The following PCDH11Y variants were observed in gnomAD, a reference collection of about 807,000 sequenced individuals.
PCDH11Y encodes the protein protocadherin 11 Y-linked.
For synonymous variants in PCDH11Y, 9 were observed against 83.6 expected (o/e 0.11, Z 4.87); for missense variants, 12 against 224.8 (o/e 0.05, Z 6.05).
chrY:5,684,077 A>T, intron 4 of PCDH11Y, among the ~76,000 whole-genome samples: 1 of 33,049 alleles, frequency 3.0e-5, no homozygotes, highest in Non-Finnish European at 7.5e-5. Flanking sequence ...ACAAGGGATT[A>T]ATAACCAGAA....
chrY:5,479,167 G>A (rs2124685590), intron 2 of PCDH11Y, among the ~76,000 whole-genome samples: 5 of 33,331 alleles, frequency 1.5e-4, no homozygotes, highest in African/African-American at 5.9e-4. Context: ...GCAGTGGCTG[G>A]TACTGGTTTT....
chrY:5,349,576 G>GTT, intron 2 of PCDH11Y, among the ~76,000 whole-genome samples: 1 of 33,493 alleles, frequency 3.0e-5, no homozygotes, highest in Non-Finnish European at 7.3e-5. Context: ...TTGCATGAAT[G>GTT]GATGAATAGA....
intron 2 of PCDH11Y, among the ~76,000 whole-genome samples, chrY:5,414,458 G>T: frequency 6.3e-5 from 2 of 31,672 alleles, no homozygotes; most frequent in Non-Finnish European, 1.5e-4. Flanking sequence ...CGAGAGTGTG[G>T]TTTGTGTGAT....
At chrY:5,034,963 A>C in intron 3 of PCDH11Y, among the ~76,000 whole-genome samples, 1 of 30,047 alleles carries the variant, frequency 3.3e-5, no homozygotes, top group Non-Finnish European at 8.1e-5. Flanking sequence ...GTCATGGATT[A>C]TAAATTAAAG....
intron 2 of PCDH11Y, among the ~76,000 whole-genome samples, chrY:5,373,745 T>TAC (rs369088178): frequency 0.067 from 1,583 of 23,629 alleles, no homozygotes; most frequent in Middle Eastern, 0.21. Context: ...TGTGTATATA[T>TAC]ACACACACAC....
At chrY:5,425,299 G>C in intron 2 of PCDH11Y, among the ~76,000 whole-genome samples, 2 of 33,052 alleles carry the variant, frequency 6.1e-5, no homozygotes, top group Non-Finnish European at 1.5e-4. Flanking sequence ...TAACCCAAAT[G>C]ATTTTATGTA....
At chrY:5,633,795 G>A (rs1602954533) in intron 4 of PCDH11Y, among the ~76,000 whole-genome samples, 19 of 33,102 alleles carry the variant, frequency 5.7e-4, no homozygotes, top group African/African-American at 2.3e-3. Flanking sequence ...CTACTCGGGC[G>A]GCTGAGGCAG....
chrY:5,021,259 C>T, intron 1 of PCDH11Y, among the ~76,000 whole-genome samples: 1 of 32,980 alleles, frequency 3.0e-5, no homozygotes, highest in Non-Finnish European at 7.5e-5. Context: ...TGCGGTGGCT[C>T]CCGCCTGTAA....
At chrY:5,142,492 G>A in intron 2 of PCDH11Y, among the ~76,000 whole-genome samples, 1 of 32,533 alleles carries the variant, frequency 3.1e-5, no homozygotes, top group African/African-American at 1.2e-4. Flanking sequence ...CACAGGAGGG[G>A]ATACAAGCCT....
intron 2 of PCDH11Y, among the ~76,000 whole-genome samples, chrY:5,410,943 T>G: frequency 3.4e-5 from 1 of 29,649 alleles, no homozygotes. Flanking sequence ...TATTGATGGG[T>G]GTTTAGGTAG....
intron 2 of PCDH11Y, among the ~76,000 whole-genome samples, chrY:5,421,133 C>T (rs2053257945): frequency 3.2e-5 from 1 of 31,372 alleles, no homozygotes; most frequent in Non-Finnish European, 7.7e-5. Flanking sequence ...CCAGCTACTC[C>T]GGAGGCTAAG....
intron 2 of PCDH11Y, among the ~76,000 whole-genome samples, chrY:5,418,999 C>A: frequency 3.0e-5 from 1 of 32,900 alleles, no homozygotes; most frequent in African/African-American, 1.2e-4. Flanking sequence ...AGATTGCCAT[C>A]CTTATGTTCT....
chrY:5,125,570 C>T, intron 2 of PCDH11Y, among the ~76,000 whole-genome samples: 5 of 33,631 alleles, frequency 1.5e-4, no homozygotes, highest in Admixed American at 2.8e-4. Flanking sequence ...TCATAGTTTA[C>T]GCTTCAGAGA....
At position 5,066,508 on chromosome Y, in the gene PCDH11Y, A is replaced by T. The variant is rs1569474682; in HGVS notation, c.636+9049A>T. Reference sequence around the variant, plus strand: ...CATGAATTTTAGATTGCATATAGATATCAAAAAGCCAAAGAATATGATCAT... The same window carrying T: ...CATGAATTTTAGATTGCATATAGATTTCAAAAAGCCAAAGAATATGATCAT... On this transcript the variant is annotated intron_variant, in intron 1 of 1. Transcript: ENST00000215473. 8.0e-4 allele frequency among the ~76,000 whole-genome samples: 27 copies of T among 33,703 alleles called. No homozygotes were observed. The East Asian group carries it at 0.02, about 25-fold the overall frequency. 90.4% of individuals were successfully genotyped at this position (33,703 alleles called of 37,273 possible).
intron 2 of PCDH11Y, among the ~76,000 whole-genome samples, chrY:5,423,889 C>T: frequency 3.0e-5 from 1 of 33,095 alleles, no homozygotes; most frequent in Non-Finnish European, 7.5e-5. Context: ...CAACAATGTG[C>T]GTGTACTTAA....
chrY:5,108,117 A>C (rs368546715), downstream of PCDH11Y, among the ~76,000 whole-genome samples: 43 of 31,522 alleles, frequency 1.4e-3, no homozygotes, highest in South Asian at 0.03. Flanking sequence ...AGGAACTTTT[A>C]GTGAACTTTG....
chrY:5,100,078 G>C, exon 2 of PCDH11Y: 1 of 395,075 alleles, frequency 2.5e-6, no homozygotes, highest in Non-Finnish European at 3.5e-6. Flanking sequence ...TGAGATAGCT[G>C]ATGTATCCTC....
At chrY:5,351,796 T>C in intron 2 of PCDH11Y, among the ~76,000 whole-genome samples, 5 of 31,965 alleles carry the variant, frequency 1.6e-4, no homozygotes, top group African/African-American at 6.1e-4. Flanking sequence ...TGTATAGTTA[T>C]TAAATTATAT....
chrY:5,380,928 C>G, intron 2 of PCDH11Y, among the ~76,000 whole-genome samples: 1 of 31,271 alleles, frequency 3.2e-5, no homozygotes, highest in East Asian at 8.4e-4. Context: ...TCTGCTTCCC[C>G]TCCTGTCCCC....
Sources: allele counts gnomAD v4.1 joint callset (sites outside exome capture counted in the v4.1 genomes callset), GRCh38; gene constraint gnomAD v4.1.1; transcripts MANE v1.5; gene names NCBI Gene and HGNC (gene_info 2026-07-23, HGNC 2026-07-21).